Variants in APBA3 observed in about 807,000 individuals in gnomAD.
The protein encoded by APBA3 is amyloid beta precursor protein binding family A member 3.
In APBA3, 45 loss-of-function variants were observed where a neutral mutation model predicts 55.9. That is an observed-to-expected ratio of 0.80 (90% CI 0.63 to 1.03). The LOEUF (loss-of-function observed/expected upper bound fraction) is 1.03, where lower values mean the gene tolerates loss of function less well. Among genes scored for constraint, APBA3 ranks in the 50% least tolerant of loss-of-function variants. The probability of loss-of-function intolerance (pLI) is 0.00; values close to 1 mark genes in which losing one functional copy is unlikely to be tolerated. For missense variants in APBA3, 865 were observed against 820.3 expected, an observed-to-expected ratio of 1.05 and a Z score of -0.67; for synonymous variants, 370 against 353.3, an observed-to-expected ratio of 1.05 and a Z score of -0.53.
intron 3 of APBA3, among the ~76,000 whole-genome samples, chr19:3,757,834 G>C (rs1371647242): frequency 6.6e-6 from 1 of 152,240 alleles, no homozygotes; most frequent in Non-Finnish European, 1.5e-5. Context: ...ATCTGCTGCA[G>C]CTACTCACCT....
At chr19:3,757,225 A>G (rs2037088126) in intron 3 of APBA3, among the ~76,000 whole-genome samples, 1 of 151,946 alleles carries the variant, frequency 6.6e-6, no homozygotes, top group Admixed American at 6.6e-5. Context: ...CAGCCTCCCA[A>G]GTAGCTGGGA....
chr19:3,754,068 T>G lies in APBA3; in HGVS notation c.800A>C (p.Asp267Ala). Reference sequence around the variant, plus strand: ...GATCCTCTTGGTGGAGACGAACAGGTCCACCTCCGTCATGGGCTGGGTCTC... The same window carrying G: ...GATCCTCTTGGTGGAGACGAACAGGGCCACCTCCGTCATGGGCTGGGTCTC... ...DGETQPMTEVDLFVSTKRIKV... is the reference protein window; with the variant it reads ...DGETQPMTEVALFVSTKRIKV... Residue 267 changes from aspartate (D) to alanine (A), a missense_variant, in exon 5 of 11, where the codon GAC (aspartate) becomes GCC (alanine). Asp to Ala is a moderately radical substitution (Grantham distance 126). Transcript: ENST00000316757. 1 of 1,610,472 alleles carries G rather than the reference T, an allele frequency of 6.2e-7. No homozygotes were observed. Among genetic ancestry groups the G allele is most frequent in the Non-Finnish European group, 8.5e-7 (1 of 1,178,494 alleles).
chr19:3,753,337 C>A, intron 6 of APBA3: 1 of 411,840 alleles, frequency 2.4e-6, no homozygotes, highest in Non-Finnish European at 4.4e-6. Context: ...GGGAGTCGGC[C>A]GAGAGTCTTG....
Position 3,752,870 on chromosome 19 carries a change from G to A in APBA3, c.1132C>T (p.Leu378Phe). ...AAGTGGTCCAGGTCCCCATTATGGA[G>A]GTGGCAGGCGCCTGGGCTCGGGTGC... Reference protein sequence around the residue: ...GVHPSPGACHLHNGDLDHFSN... With the variant: ...GVHPSPGACHFHNGDLDHFSN... The change falls in exon 7 of 11, where the codon CTC becomes TTC. Residue 378 changes from leucine to phenylalanine, a missense_variant. By Grantham distance (22) the Leu-to-Phe change is conservative. Transcript: ENST00000316757. 6.2e-7 allele frequency: 1 copy of A among 1,613,450 alleles called. No homozygotes were observed. The highest frequency in any genetic ancestry group is 1.1e-5 in the South Asian group (1 of 91,082).
chr19:3,750,800 G>C lies in APBA3; in HGVS notation c.*226C>G. On this transcript the variant is annotated 3_prime_UTR_variant, in exon 11 of 11. Coordinates refer to ENST00000316757, the MANE Select transcript of APBA3 (RefSeq NM_004886.4). ...CTCCGCCTGGTCTTTAATAAACAGAGTATTTTCACAGCACCGGCTTCTAGT... is the reference window on the plus strand; with the variant it reads ...CTCCGCCTGGTCTTTAATAAACAGACTATTTTCACAGCACCGGCTTCTAGT... 1 of 1,050,150 alleles carries C rather than the reference G, an allele frequency of 9.5e-7. No individual in the cohort carries two copies. The highest frequency in any genetic ancestry group is 1.4e-6 in the Non-Finnish European group (1 of 706,070). 65.1% of individuals were successfully genotyped at this position (1,050,150 alleles called of 1,614,324 possible).
Position 3,760,008 on chromosome 19 carries a change from G to A in APBA3, c.257C>T (p.Ala86Val). Residue 86 changes from alanine (A) to valine (V), a missense_variant, in exon 2 of 11, where the codon GCC becomes GTC. By Grantham distance (64) the Ala-to-Val change is moderately conservative (BLOSUM62 0). Transcript: ENST00000316757. ...PGGAPCPLHI[A>V]TGHGLASQEI... ...CTGGGAGGCCAGGCCATGGCCTGTG[G>A]CAATGTGTAGGGGACAGGGGGCTCC... 1.2e-6 allele frequency: 2 copies of A among 1,612,054 alleles called. No individual in the cohort carries two copies. Among genetic ancestry groups the A allele is most frequent in the Non-Finnish European group, 1.7e-6 (2 of 1,179,586 alleles).
intron 3 of APBA3, among the ~76,000 whole-genome samples, chr19:3,757,261 C>T: frequency 6.6e-6 from 1 of 151,914 alleles, no homozygotes; most frequent in Admixed American, 6.6e-5. Context: ...ACGTGCCTGG[C>T]TAATTTTGGG....
At chr19:3,754,154 A>AG (rs2037046910) in intron 4 of APBA3, 41 bp downstream of exon 4, 4 of 1,550,650 alleles carry the variant, frequency 2.6e-6, no homozygotes, top group Non-Finnish European at 3.5e-6. Context: ...CCCAGCCTGC[A>AG]GCCCACCCGC....
chr19:3,752,556 C>A lies in APBA3; in HGVS notation c.1347G>T (p.Gly449=), dbSNP rs1376015344. ...CCAGGGGCAGCCCCACCAGGCTGGT[C>A]CCGTTGATGGCGGTCAGGCGGTCCC... is the stretch of plus-strand genomic sequence containing the variant. ...SIGDRLTAIN[G]TSLVGLPLAA... is the part of the protein sequence containing the mutation. Residue 449 remains glycine (G), a synonymous_variant, in exon 8 of 11, where the codon GGG becomes GGT. Transcript: ENST00000316757. The A allele has an allele frequency of 1.9e-6, 3 of 1,589,376 alleles. No homozygotes were observed. Among genetic ancestry groups the A allele is most frequent in the Non-Finnish European group, 2.6e-6 (3 of 1,172,858 alleles).
At chr19:3,758,311 T>C (rs1256591863) in intron 3 of APBA3, among the ~76,000 whole-genome samples, 1 of 152,024 alleles carries the variant, frequency 6.6e-6, no homozygotes, top group Non-Finnish European at 1.5e-5. Context: ...TGTAGTGCAG[T>C]GGCGTGGGGT....
rs1202254899 is a variant in APBA3, at chr19:3,750,784, G to A, written c.*242C>T. ...CCACAACCTTACCTCCCTCCGCCTGGTCTTTAATAAACAGAGTATTTTCAC... is the reference window on the plus strand; with the variant it reads ...CCACAACCTTACCTCCCTCCGCCTGATCTTTAATAAACAGAGTATTTTCAC... On this transcript the variant is annotated 3_prime_UTR_variant, in exon 11 of 11. Transcript: ENST00000316757. 9 of 1,119,854 alleles carry A rather than the reference G, an allele frequency of 8.0e-6. No individual in the cohort carries two copies. In the African/African-American group the frequency reaches 1.2e-4, roughly 16 times the overall value. 69.4% of individuals were successfully genotyped at this position (1,119,854 alleles called of 1,614,324 possible).
intron 3 of APBA3, among the ~76,000 whole-genome samples, chr19:3,757,600 C>T (rs1447665278): frequency 2.0e-5 from 3 of 152,094 alleles, no homozygotes; most frequent in African/African-American, 4.8e-5. Flanking sequence ...GGCACGGTGG[C>T]GGACGCTTGT....
intron 3 of APBA3, among the ~76,000 whole-genome samples, chr19:3,757,256 C>A (rs550782751): frequency 1.5e-4 from 23 of 152,106 alleles, no homozygotes; most frequent in Admixed American, 1.0e-3. Context: ...ATGCCACGTG[C>A]CTGGCTAATT....
At chr19:3,759,425 G>T in intron 3 of APBA3, 136 bp downstream of exon 3, 1 of 854,962 alleles carries the variant, frequency 1.2e-6, no homozygotes. Context: ...CTGGCCAGCC[G>T]GAATCTGCTC....
rs760353050 is a variant in APBA3 at position 3,754,079 on chromosome 19, C to G, written c.789G>C (p.Met263Ile). Residue 263 changes from methionine to isoleucine, a missense_variant, in exon 5 of 11, where the codon ATG (methionine) becomes ATC (isoleucine). Transcript: ENST00000316757. The stretch of plus-strand genomic sequence containing the variant: ...TGGAGACGAACAGGTCCACCTCCGT[C>G]ATGGGCTGGGTCTCCCCATCGGGGG... Reference protein sequence around the residue: ...VKAPDGETQPMTEVDLFVSTK... With the variant: ...VKAPDGETQPITEVDLFVSTK... 3.7e-6 allele frequency: 6 copies of G among 1,609,272 alleles called. No individual in the cohort carries two copies. The Admixed American group carries it at 1.0e-4, about 27-fold the overall frequency.
chr19:3,750,980 G>A lies in APBA3; in HGVS notation c.*46C>T, dbSNP rs377564666. 9.0e-5 allele frequency: 139 copies of A among 1,536,056 alleles called. 1 individual carries two copies. In the East Asian group the frequency reaches 9.8e-4, roughly 11 times the overall value. ...CAGGGCAGGCCCAGGATGGGGCTCCGGGGCCATGGAGGCGAAGGCACAGTG... is the reference window on the plus strand; with the variant it reads ...CAGGGCAGGCCCAGGATGGGGCTCCAGGGCCATGGAGGCGAAGGCACAGTG... On this transcript the variant is annotated 3_prime_UTR_variant, in exon 11 of 11. Coordinates refer to ENST00000316757, the MANE Select transcript of APBA3 (RefSeq NM_004886.4).
Position 3,751,251 on chromosome 19 carries a change from G to T in APBA3, c.1594C>A (p.Gln532Lys), listed in dbSNP as rs937774339. 4 of 1,547,100 alleles carry T rather than the reference G, an allele frequency of 2.6e-6. No homozygotes were observed. In the African/African-American group the frequency reaches 5.5e-5, roughly 21 times the overall value. ...GCGTGTGGCGTGGCCACCACACTCT[G>T]CCCATTGATCTCAATGATGCGGTGG... ...VGHRIIEING[Q>K]SVVATPHARI... The change falls in exon 10 of 11, where the codon CAG becomes AAG. Residue 532 changes from glutamine to lysine, a missense_variant. Coordinates refer to ENST00000316757, the MANE Select transcript of APBA3 (RefSeq NM_004886.4).
rs2036997055 is a variant in APBA3 at position 3,751,287 on chromosome 19, T to A, written c.1558A>T (p.Ile520Phe). ...TCAATGATGCGGTGGCCGACGCGGA[T>A]GCCCCCACGCTCGGCGATGCCACCA... ...LRGGIAERGG[I>F]RVGHRIIEIN... The change falls in exon 10 of 11, where the codon ATC becomes TTC. Residue 520 changes from isoleucine (I) to phenylalanine (F), a missense_variant. Ile to Phe is a conservative substitution (Grantham distance 21). Coordinates refer to ENST00000316757, the MANE Select transcript of APBA3 (RefSeq NM_004886.4). The A allele has an allele frequency of 6.5e-7, 1 of 1,541,358 alleles. No individual in the cohort carries two copies. The highest frequency in any genetic ancestry group is 2.0e-5 in the Admixed American group (1 of 51,080).
intron 1 of APBA3, among the ~76,000 whole-genome samples, 176 bp downstream of exon 1, chr19:3,761,360 C>T (rs1169362150): frequency 6.6e-6 from 1 of 152,164 alleles, no homozygotes; most frequent in African/African-American, 2.4e-5. Context: ...ATACCAGAGA[C>T]CCAAGACGCC....
Sources: allele counts gnomAD v4.1 joint callset (sites outside exome capture counted in the v4.1 genomes callset), GRCh38; gene constraint gnomAD v4.1.1; transcripts MANE v1.5; gene names NCBI Gene and HGNC (gene_info 2026-07-23, HGNC 2026-07-21).